The following CD28 variants were observed in gnomAD, a reference collection of about 807,000 sequenced individuals.
The protein encoded by CD28 is CD28 molecule, also known as T-cell-specific surface glycoprotein CD28.
A neutral mutation model predicts 21.4 loss-of-function variants in CD28; 8 were observed. The observed-to-expected ratio is 0.37, with a 90% CI of 0.22 to 0.68. The LOEUF is 0.68. CD28 is among the 30% of genes least tolerant of loss of function. CD28 has a pLI of 0.55. For missense variants in CD28, 239 were observed against 272.2 expected (o/e 0.88, Z 0.86); for synonymous variants, 106 against 104.0 (o/e 1.02, Z -0.12).
In CD28 at chr2:203,735,027, C is replaced by A; in HGVS notation, c.*115C>A. On this transcript the variant is annotated 3_prime_UTR_variant, in exon 4 of 4. Coordinates refer to ENST00000324106, the MANE Select transcript of CD28 (RefSeq NM_006139.4). Reference sequence around the variant, plus strand: ...CGGCCACCTCAGGCCCCTGTTGGGCCACCAATGCCAATTTTTCTCGAGTGA... The same window carrying A: ...CGGCCACCTCAGGCCCCTGTTGGGCAACCAATGCCAATTTTTCTCGAGTGA... 1.6e-6 allele frequency: 2 copies of A among 1,260,282 alleles called. No homozygotes were observed. Among genetic ancestry groups the A allele is most frequent in the East Asian group, 2.4e-5 (1 of 42,262 alleles). The allele number at this position is 1,260,282 out of a possible 1,614,324, so 78.1% of individuals were successfully genotyped here. A position where few individuals can be genotyped will look rare whatever the true frequency, so the allele number is the denominator to read the frequency against.
chr2:203,719,873 G>T (rs1329567974), intron 1 of CD28, among the ~76,000 whole-genome samples: 2 of 152,162 alleles, frequency 1.3e-5, no homozygotes, highest in Non-Finnish European at 2.9e-5. Context: ...TAAGGTCAGG[G>T]TTCTTTGATG....
At chr2:203,713,388 C>G (rs186549043) in intron 1 of CD28, among the ~76,000 whole-genome samples, 1 of 152,186 alleles carries the variant, frequency 6.6e-6, no homozygotes, top group Non-Finnish European at 1.5e-5. Context: ...CTAACTGGCT[C>G]TGATGGGAGT....
At chr2:203,724,849 G>A (rs951172117) in intron 1 of CD28, among the ~76,000 whole-genome samples, 1 of 152,196 alleles carries the variant, frequency 6.6e-6, no homozygotes, top group African/African-American at 2.4e-5. Flanking sequence ...GCTCTTCAGT[G>A]TGGGTATACG....
rs1417442938 is a variant in CD28, at chr2:203,737,743, T to TATTGGGTTAAG, written c.*2831_*2832insATTGGGTTAAG. On this transcript the variant is annotated 3_prime_UTR_variant, in exon 4 of 4. Coordinates refer to ENST00000324106, the MANE Select transcript of CD28 (RefSeq NM_006139.4). ...ACTCCTATAATTTTTGATTGTGAGC[T>TATTGGGTTAAG]CACCTATTTGGGTTAAGCATGCCAA... 1.3e-5 allele frequency: 2 copies of TATTGGGTTAAG among 152,608 alleles called. No individual in the cohort carries two copies. The highest frequency in any genetic ancestry group is 2.9e-5 in the Non-Finnish European group (2 of 68,022). The allele number at this position is 152,608 out of a possible 1,614,324, so 9.5% of individuals were successfully genotyped here. A position where few individuals can be genotyped will look rare whatever the true frequency, so the allele number is the denominator to read the frequency against.
chr2:203,724,840 C>A (rs995411410), intron 1 of CD28, among the ~76,000 whole-genome samples: 2 of 152,148 alleles, frequency 1.3e-5, no homozygotes, highest in African/African-American at 4.8e-5. Flanking sequence ...TTTTATTTGG[C>A]TCTTCAGTGT....
At chr2:203,707,471 T>C (rs1434134077) in intron 1 of CD28, among the ~76,000 whole-genome samples, 4 of 152,206 alleles carry the variant, frequency 2.6e-5, no homozygotes, top group Non-Finnish European at 5.9e-5. Flanking sequence ...CTGAATTGAA[T>C]GAGTTCCAAC....
intron 1 of CD28, among the ~76,000 whole-genome samples, chr2:203,722,671 A>G (rs1192295712): frequency 6.6e-6 from 1 of 152,246 alleles, no homozygotes; most frequent in Admixed American, 6.5e-5. Flanking sequence ...TCCAAAGCTA[A>G]GCAAATTGAA....
chr2:203,726,162 G>A (rs922247772), intron 1 of CD28, among the ~76,000 whole-genome samples: 2 of 152,184 alleles, frequency 1.3e-5, no homozygotes, highest in Admixed American at 1.3e-4. Flanking sequence ...AGTGAGCTGA[G>A]ATTGCACCAC....
chr2:203,734,941 C>G lies in CD28; in HGVS notation c.*29C>G, dbSNP rs1693992225. Reference sequence around the variant, plus strand: ...GGACGCCTATCCAGAAGCCAGCCGGCTGGCAGCCCCCATCTGCTCAATATC... The same window carrying G: ...GGACGCCTATCCAGAAGCCAGCCGGGTGGCAGCCCCCATCTGCTCAATATC... On this transcript the variant is annotated 3_prime_UTR_variant, in exon 4 of 4. Coordinates refer to ENST00000324106, the MANE Select transcript of CD28 (RefSeq NM_006139.4). 6.2e-7 allele frequency: 1 copy of G among 1,609,556 alleles called. No individual in the cohort carries two copies. The highest frequency in any genetic ancestry group is 8.5e-7 in the Non-Finnish European group (1 of 1,177,466).
intron 1 of CD28, among the ~76,000 whole-genome samples, chr2:203,707,408 GCTT>G (rs1426340431): frequency 6.6e-6 from 1 of 152,044 alleles, no homozygotes; most frequent in African/African-American, 2.4e-5. Flanking sequence ...CATGCGAAGG[GCTT>G]AGCTCAGTCA....
At chr2:203,727,364 A>T (rs1482290121) in intron 2 of CD28, among the ~76,000 whole-genome samples, 1 of 152,000 alleles carries the variant, frequency 6.6e-6, no homozygotes, top group Non-Finnish European at 1.5e-5. Context: ...ACTCACTTCT[A>T]TTTCTAATTA....
intron 3 of CD28, among the ~76,000 whole-genome samples, chr2:203,730,067 A>C (rs1241728007): frequency 1.3e-5 from 2 of 152,164 alleles, no homozygotes; most frequent in African/African-American, 4.8e-5. Context: ...CCCATTTTGC[A>C]ATATAATTAT....
In CD28 at chr2:203,735,010, T is replaced by C; in HGVS notation, c.*98T>C. 6.8e-7 allele frequency: 1 copy of C among 1,479,558 alleles called. No homozygotes were observed. Among genetic ancestry groups the C allele is most frequent in the South Asian group, 1.3e-5 (1 of 75,868 alleles). 91.7% of individuals were successfully genotyped at this position (1,479,558 alleles called of 1,614,324 possible). A position where few individuals can be genotyped will look rare whatever the true frequency, so the allele number is the denominator to read the frequency against. On this transcript the variant is annotated 3_prime_UTR_variant, in exon 4 of 4. Transcript: ENST00000324106. ...TGACCGCCATCTCCAGCCGGCCACC[T>C]CAGGCCCCTGTTGGGCCACCAATGC...
intron 1 of CD28, among the ~76,000 whole-genome samples, chr2:203,715,351 C>G (rs2106111765): frequency 6.6e-6 from 1 of 152,190 alleles, no homozygotes; most frequent in South Asian, 2.1e-4. Flanking sequence ...TCTGGTGGCT[C>G]TTGGTATGGG....
chr2:203,736,966 C>T lies in CD28; in HGVS notation c.*2054C>T, dbSNP rs1694054452. ...GTATAAAAATTAAACTGGGCAATAGCCTAAGAAGGGGGGAATATTGTAACA... is the reference window on the plus strand; with the variant it reads ...GTATAAAAATTAAACTGGGCAATAGTCTAAGAAGGGGGGAATATTGTAACA... On this transcript the variant is annotated 3_prime_UTR_variant, in exon 4 of 4. Transcript: ENST00000324106. 6.6e-6 allele frequency: 1 copy of T among 152,112 alleles called. No individual in the cohort carries two copies. Among genetic ancestry groups the T allele is most frequent in the African/African-American group, 2.4e-5 (1 of 41,428 alleles). 9.4% of individuals were successfully genotyped at this position (152,112 alleles called of 1,614,324 possible). A position where few individuals can be genotyped will look rare whatever the true frequency, so the allele number is the denominator to read the frequency against.
intron 1 of CD28, among the ~76,000 whole-genome samples, chr2:203,724,305 G>T (rs1417617635): frequency 1.3e-5 from 2 of 152,028 alleles, no homozygotes; most frequent in Non-Finnish European, 2.9e-5. Flanking sequence ...ATCAGATAGT[G>T]GTGATTCATT....
intron 1 of CD28, among the ~76,000 whole-genome samples, chr2:203,711,877 A>G (rs1426418906): frequency 1.3e-5 from 2 of 152,160 alleles, no homozygotes; most frequent in Non-Finnish European, 2.9e-5. Flanking sequence ...TTTAATCTCC[A>G]TCAGAGTTTC....
intron 1 of CD28, among the ~76,000 whole-genome samples, chr2:203,711,111 C>T (rs143869967): frequency 5.7e-4 from 87 of 152,138 alleles, no homozygotes; most frequent in African/African-American, 1.9e-3. Flanking sequence ...AGGGTGTTAG[C>T]ACCAAAAACC....
At chr2:203,708,447 A>G (rs925745204) in intron 1 of CD28, among the ~76,000 whole-genome samples, 1 of 152,242 alleles carries the variant, frequency 6.6e-6, no homozygotes, top group Non-Finnish European at 1.5e-5. Context: ...AGGGAAGCCT[A>G]CCCTGACTGA....
Sources: allele counts gnomAD v4.1 joint callset (sites outside exome capture counted in the v4.1 genomes callset), GRCh38; gene constraint gnomAD v4.1.1; transcripts MANE v1.5; gene names NCBI Gene and HGNC (gene_info 2026-07-23, HGNC 2026-07-21).